The following SPEG variants were observed in gnomAD, a reference collection of about 807,000 sequenced individuals.
SPEG encodes the protein striated muscle preferentially expressed protein kinase.
Under a neutral mutation model 300.4 loss-of-function variants are expected in SPEG, and 114 were observed. The observed-to-expected ratio is 0.38, with a 90% CI of 0.33 to 0.44. SPEG has a LOEUF of 0.44. Ranked by LOEUF, SPEG falls within the 20% of genes least tolerant of loss-of-function variation. SPEG has a pLI of 1.00. For synonymous variants in SPEG, 1,964 were observed against 2,018.9 expected (o/e 0.97, Z 0.73); for missense variants, 4,201 against 4,586.2 (o/e 0.92, Z 2.43).
chr2:219,487,369 A>T (rs881590), intron 31 of SPEG, among the ~76,000 whole-genome samples: 56,762 of 152,136 alleles, frequency 0.37, 11,382 homozygotes, highest in African/African-American at 0.52. Flanking sequence ...ATTATTGAGA[A>T]AATGATAACA....
rs934346793 is a variant in SPEG, at chr2:219,454,875, C to T, written c.2440+3068C>T. ...TTGGGAGGCTGAGGTGGGTGGATCA[C>T]CTGAGGTCAGGAGTTCGAGACCAGC... On this transcript the variant is annotated intron_variant, in intron 6 of 40. Coordinates refer to ENST00000312358, the MANE Select transcript of SPEG (RefSeq NM_005876.5). Among the ~76,000 whole-genome samples, 9 of 152,286 alleles carry T rather than the reference C, an allele frequency of 5.9e-5. No homozygotes were observed. The Middle Eastern group carries it at 0.01, about 173-fold the overall frequency.
At position 219,477,856 on chromosome 2, in the gene SPEG, G is replaced by A; in HGVS notation, c.4827-49G>A. On this transcript the variant is annotated intron_variant, in intron 21 of 40. Transcript: ENST00000312358. This position sits in a 1 kb window ranked among gnomAD's most constrained non-coding sequence, Gnocchi z 6.4. ...GGGTCTGAGGGTTGGGAGGGGTGGA[G>A]AGGGCCACAGTGATGGCTGATCTCT... 6.2e-7 allele frequency: 1 copy of A among 1,602,406 alleles called. No individual in the cohort carries two copies. The highest frequency in any genetic ancestry group is 8.5e-7 in the Non-Finnish European group (1 of 1,171,022).
Position 219,476,902 on chromosome 2 carries a change from G to A in SPEG, c.4480G>A (p.Val1494Met), listed in dbSNP as rs753740476. Residue 1494 changes from valine to methionine, a missense_variant, in exon 19 of 41, where the codon GTG becomes ATG. By Grantham distance (21) the Val-to-Met change is conservative. Coordinates refer to ENST00000312358, the MANE Select transcript of SPEG (RefSeq NM_005876.5). ...APRFESIMEDVEVGAGETARF... is the reference protein window; with the variant it reads ...APRFESIMEDMEVGAGETARF... ...TCGGTTTGAGTCCATCATGGAGGAC[G>A]TGGAGGTGGGGGCTGGGGAAACTGC... 1.1e-5 allele frequency: 17 copies of A among 1,613,650 alleles called. No individual in the cohort carries two copies. The highest frequency in any genetic ancestry group is 1.4e-5 in the Non-Finnish European group (17 of 1,179,940).
At chr2:219,468,140 C>G (rs914133876) in intron 10 of SPEG, among the ~76,000 whole-genome samples, 3 of 152,182 alleles carry the variant, frequency 2.0e-5, no homozygotes, top group South Asian at 4.1e-4. Context: ...TAGGTGGGGC[C>G]AAGGGGCATC....
intron 13 of SPEG, among the ~76,000 whole-genome samples, chr2:219,470,908 C>A (rs1428352824): frequency 6.6e-6 from 1 of 152,074 alleles, no homozygotes; most frequent in African/African-American, 2.4e-5. Context: ...GGGCACAGAG[C>A]AGGCAACTCT....
At position 219,477,249 on chromosome 2, in the gene SPEG, A is replaced by G; in HGVS notation, c.4561-28A>G. On this transcript the variant is annotated intron_variant, in intron 19 of 40. Transcript: ENST00000312358. The surrounding 1 kb of genome is among the most constrained non-coding windows in gnomAD (Gnocchi z 6.4). The stretch of plus-strand genomic sequence containing the variant: ...CCAAGGTAGAGATGAGGCCAGGCCC[A>G]GGCTGAAGGTGAGACCCCACTCTGC... 1.5e-6 allele frequency: 2 copies of G among 1,302,552 alleles called. No individual in the cohort carries two copies. The highest frequency in any genetic ancestry group is 2.1e-6 in the Non-Finnish European group (2 of 954,156). The allele number at this position is 1,302,552 out of a possible 1,614,324, so 80.7% of individuals were successfully genotyped here. A position where few individuals can be genotyped will look rare whatever the true frequency, so the allele number is the denominator to read the frequency against.
At chr2:219,491,024 C>T in intron 38 of SPEG, 68 bp downstream of exon 38, 1 of 1,222,798 alleles carries the variant, frequency 8.2e-7, no homozygotes, top group Admixed American at 2.1e-5. Flanking sequence ...CCAGGGCTCA[C>T]CCCACTTCAC....
chr2:219,468,754 C>A lies in SPEG; in HGVS notation c.3301+18C>A. The A allele has an allele frequency of 6.2e-7, 1 of 1,613,106 alleles. No individual in the cohort carries two copies. Among genetic ancestry groups the A allele is most frequent in the African/African-American group, 1.3e-5 (1 of 75,046 alleles). ...TCATTTTGGTACGGCCCCTGTGCTG[C>A]AGGTGTTGAGGGCCCCCCCAAGGGC... On this transcript the variant is annotated intron_variant, in intron 11 of 40. Coordinates refer to ENST00000312358, the MANE Select transcript of SPEG (RefSeq NM_005876.5).
In SPEG at chr2:219,490,810, A is replaced by G; in HGVS notation, c.9239A>G (p.His3080Arg). 6.2e-7 allele frequency: 1 copy of G among 1,614,010 alleles called. No homozygotes were observed. The highest frequency in any genetic ancestry group is 8.5e-7 in the Non-Finnish European group (1 of 1,180,014). ...GGCCTGGACTACCTCCACGGCCACC[A>G]CGTGCTCCACCTAGACATCAAGCCA... ...LQGLDYLHGH[H>R]VLHLDIKPDN... Residue 3080 changes from histidine (H) to arginine (R), a missense_variant, in exon 38 of 41, where the codon CAC becomes CGC. Coordinates refer to ENST00000312358, the MANE Select transcript of SPEG (RefSeq NM_005876.5).
In SPEG at chr2:219,489,791, A is replaced by G; in HGVS notation, c.8773A>G (p.Thr2925Ala). ...PPAPEPPPEP[T>A]KVTVQSLSPA... ...AGCCCCTGAGCCCCCTCCTGAGCCTACCAAGGTGACTGTGCAGAGCCTCAG... is the reference window on the plus strand; with the variant it reads ...AGCCCCTGAGCCCCCTCCTGAGCCTGCCAAGGTGACTGTGCAGAGCCTCAG... Residue 2925 changes from threonine (T) to alanine (A), a missense_variant, in exon 36 of 41, where the codon ACC becomes GCC. By Grantham distance (58) the Thr-to-Ala change is moderately conservative. Around this residue, in one of 4 missense-constraint regions of SPEG, gnomAD observed 1,578 missense variants for 1,506.0 expected, o/e 1.05. Transcript: ENST00000312358. The G allele has an allele frequency of 6.2e-7, 1 of 1,613,536 alleles. No homozygotes were observed. The highest frequency in any genetic ancestry group is 8.5e-7 in the Non-Finnish European group (1 of 1,179,920).
intron 11 of SPEG, 33 bp from the exon 12 acceptor site, chr2:219,468,826 C>A (rs1384867431): frequency 3.1e-6 from 5 of 1,608,014 alleles, no homozygotes; most frequent in Middle Eastern, 1.7e-4. Flanking sequence ...CCTCACTGTG[C>A]CTGCTCTGCA....
intron 38 of SPEG, 78 bp from the exon 39 acceptor site, chr2:219,491,716 A>C: frequency 8.8e-7 from 1 of 1,134,116 alleles, no homozygotes; most frequent in Non-Finnish European, 1.3e-6. Context: ...CCTGCTGCTC[A>C]AGCACCCAGG....
rs1693183024 is a variant in SPEG at position 219,484,434 on chromosome 2, T to TC, written c.6972dup (p.Glu2325ArgfsTer65). On this transcript the variant is annotated frameshift_variant, in exon 30 of 41. Coordinates refer to ENST00000312358, the MANE Select transcript of SPEG (RefSeq NM_005876.5). LOFTEE classifies it high-confidence loss of function. ...CCAGGCAGCAGTCTCAGTAGCAGCATCGAAAACTTGGAGTCGGAGGCCGTG... is the reference window on the plus strand; with the variant it reads ...CCAGGCAGCAGTCTCAGTAGCAGCATCCGAAAACTTGGAGTCGGAGGCCGTG... 9 of 1,611,268 alleles carry TC rather than the reference T, an allele frequency of 5.6e-6. No homozygotes were observed. The highest frequency in any genetic ancestry group is 7.6e-6 in the Non-Finnish European group (9 of 1,179,820).
In SPEG at chr2:219,467,401, G is replaced by A; in HGVS notation, c.3109G>A (p.Gly1037Ser). 6.2e-7 allele frequency: 1 copy of A among 1,611,580 alleles called. No homozygotes were observed. ...TACATCTGTACATGAGGACGACAGTGGCGTCTACACCTGCAAGCTCAGCAC... is the reference window on the plus strand; with the variant it reads ...TACATCTGTACATGAGGACGACAGTAGCGTCTACACCTGCAAGCTCAGCAC... Reference protein sequence around the residue: ...LLTSVHEDDSGVYTCKLSTAK... With the variant: ...LLTSVHEDDSSVYTCKLSTAK... The change falls in exon 10 of 41, where the codon GGC becomes AGC. Residue 1037 changes from glycine to serine, a missense_variant. This residue lies in a region of SPEG where 1,047 missense variants were observed against 1,356.8 expected (regional missense o/e 0.77). Transcript: ENST00000312358.
Position 219,481,843 on chromosome 2 carries a change from T to C in SPEG, c.5565+163T>C, listed in dbSNP as rs553881735. On this transcript the variant is annotated intron_variant, in intron 28 of 40. Transcript: ENST00000312358. The surrounding 1 kb of genome is among the most constrained non-coding windows in gnomAD (Gnocchi z 5.4). Reference sequence around the variant, plus strand: ...ATAGCTTTGCAAAGGAAGGCATTATTAGTCCCATTTTGTTGACAAGGAAAC... The same window carrying C: ...ATAGCTTTGCAAAGGAAGGCATTATCAGTCCCATTTTGTTGACAAGGAAAC... Among the ~76,000 whole-genome samples the C allele has an allele frequency of 2.6e-4, 40 of 152,258 alleles. No homozygotes were observed. The highest frequency in any genetic ancestry group is 5.1e-4 in the Non-Finnish European group (35 of 68,052).
intron 9 of SPEG, chr2:219,465,965 A>T (rs1393129065): frequency 9.1e-7 from 1 of 1,100,832 alleles, no homozygotes; most frequent in African/African-American, 1.5e-5. Flanking sequence ...GTGCGTGTGC[A>T]TGCGTGTGTG....
intron 6 of SPEG, among the ~76,000 whole-genome samples, chr2:219,452,686 G>A (rs1314192157): frequency 2.0e-5 from 3 of 152,162 alleles, no homozygotes; most frequent in Non-Finnish European, 4.4e-5. Flanking sequence ...GTTCTGGGAT[G>A]CCTGCGCTGA....
Position 219,477,104 on chromosome 2 carries a change from G to A in SPEG, c.4560+122G>A. 6.7e-6 allele frequency: 7 copies of A among 1,042,154 alleles called. No homozygotes were observed. The highest frequency in any genetic ancestry group is 3.2e-5 in the South Asian group (2 of 63,356). The allele number at this position is 1,042,154 out of a possible 1,614,324, so 64.6% of individuals were successfully genotyped here. A position where few individuals can be genotyped will look rare whatever the true frequency, so the allele number is the denominator to read the frequency against. On this transcript the variant is annotated intron_variant, in intron 19 of 40. Transcript: ENST00000312358. This position sits in a 1 kb window ranked among gnomAD's most constrained non-coding sequence, Gnocchi z 6.4. ...CAGAGGCGTGGTTAGGAGGAGGAAA[G>A]GGGCTGCAGAGGACTGACTAGCTGA...
chr2:219,475,029 T>C (rs1292041025), intron 18 of SPEG, among the ~76,000 whole-genome samples: 1 of 152,050 alleles, frequency 6.6e-6, no homozygotes, highest in African/African-American at 2.4e-5. Context: ...AAGTAATCCG[T>C]CCACCTCGGC....
Sources: gnomAD v4.1 joint callset for allele counts (sites outside exome capture counted in the v4.1 genomes callset) on GRCh38, gnomAD v4.1.1 for gene constraint, gnomAD v4.1.1 regional missense constraint, Gnocchi (gnomAD v3.1) non-coding constraint, MANE v1.5 for transcripts, NCBI Gene and HGNC (gene_info 2026-07-23, HGNC 2026-07-21) for gene names.